The following CAT variants were observed in gnomAD, a reference collection of about 807,000 sequenced individuals.
CAT encodes the protein catalase.
In CAT, 43 loss-of-function variants were observed where a neutral mutation model predicts 59.0. That is an observed-to-expected ratio of 0.73 (90% CI 0.57 to 0.94). The LOEUF (loss-of-function observed/expected upper bound fraction) is 0.94, where lower values mean the gene tolerates loss of function less well. Among genes scored for constraint, CAT ranks in the 40% least tolerant of loss-of-function variants. The probability of loss-of-function intolerance (pLI) is 0.00; values close to 1 mark genes in which losing one functional copy is unlikely to be tolerated. For synonymous variants in CAT, 218 were observed against 230.9 expected, an observed-to-expected ratio of 0.94 and a Z score of 0.51; for missense variants, 664 against 682.9, an observed-to-expected ratio of 0.97 and a Z score of 0.31.
At chr11:34,450,620 A>G (rs1260821552) in intron 2 of CAT, among the ~76,000 whole-genome samples, 1 of 152,032 alleles carries the variant, frequency 6.6e-6, no homozygotes, top group Non-Finnish European at 1.5e-5. Flanking sequence ...TGTTGAAAAG[A>G]TTCTTTCTCT....
chr11:34,456,987 A>G (rs745387750), intron 8 of CAT, 170 bp downstream of exon 8: 4 of 695,536 alleles, frequency 5.8e-6, no homozygotes, highest in Non-Finnish European at 1.0e-5. Context: ...ACTATTCTTC[A>G]ATGAGCATTC....
chr11:34,470,526 A>G (rs990270889), intron 11 of CAT, among the ~76,000 whole-genome samples: 7 of 152,172 alleles, frequency 4.6e-5, no homozygotes, highest in Admixed American at 4.6e-4. Flanking sequence ...TAACCTTCTG[A>G]TCGCGTGCTT....
At chr11:34,446,115 C>G in intron 1 of CAT, among the ~76,000 whole-genome samples, 1 of 152,158 alleles carries the variant, frequency 6.6e-6, no homozygotes, top group East Asian at 1.9e-4. Flanking sequence ...CAGTTTAGAT[C>G]AGTTCCTCTT....
chr11:34,457,204 CTTTTTTTTTTT>C lies in CAT; in HGVS notation c.1056+403_1056+413del, dbSNP rs899442681. On this transcript the variant is annotated intron_variant, in intron 8 of 12. Transcript: ENST00000241052. The stretch of plus-strand genomic sequence containing the variant: ...GTAAGCCTAACTTTATTTTCTTGTT[CTTTTTTTTTTT>C]TTTTTTTTTTTTTTTGTGACAGAGT... Among the ~76,000 whole-genome samples the C allele has an allele frequency of 4.5e-4, 30 of 66,174 alleles. No homozygotes were observed. The East Asian group carries it at 0.012, about 26-fold the overall frequency. 43.4% of individuals were successfully genotyped at this position (66,174 alleles called of 152,430 possible).
chr11:34,461,379 G>A lies in CAT; in HGVS notation c.1185G>A (p.Gln395=), dbSNP rs924202598. ...AGCGTGACGGCCCGATGTGCATGCA[G>A]GACAATCAGGGTAGGCCTAAAGACG... The part of the protein sequence containing the change: ...NYQRDGPMCM[Q]DNQGGAPNYY... The change falls in exon 9 of 13, where the codon CAG becomes CAA. Residue 395 remains glutamine (Q), a synonymous_variant. Transcript: ENST00000241052. The A allele has an allele frequency of 6.2e-7, 1 of 1,614,212 alleles. No homozygotes were observed.
At position 34,450,972 on chromosome 11, in the gene CAT, G is replaced by A. The variant is rs1856517261; in HGVS notation, c.239-16G>A. On this transcript the variant is annotated splice_polypyrimidine_tract_variant and intron_variant, in intron 2 of 12. Transcript: ENST00000241052. ...TAATGGTCTCATGGTAAGGATTTCT[G>A]TGTCTTTCTCGTTAGGGGCCTTTGG... 2 of 1,530,790 alleles carry A rather than the reference G, an allele frequency of 1.3e-6. No homozygotes were observed. The highest frequency in any genetic ancestry group is 4.5e-5 in the East Asian group (2 of 44,476). 94.8% of individuals were successfully genotyped at this position (1,530,790 alleles called of 1,614,324 possible). A position where few individuals can be genotyped will look rare whatever the true frequency, so the allele number is the denominator to read the frequency against.
chr11:34,443,880 C>T (rs1003971756), intron 1 of CAT, among the ~76,000 whole-genome samples: 1 of 151,990 alleles, frequency 6.6e-6, no homozygotes, highest in Non-Finnish European at 1.5e-5. Flanking sequence ...GTGACTTAAC[C>T]CTTGGTCCAC....
chr11:34,468,657 C>T (rs1448926467), intron 11 of CAT: 1 of 541,658 alleles, frequency 1.8e-6, no homozygotes, highest in Non-Finnish European at 3.3e-6. Flanking sequence ...TTGTCCTATT[C>T]TGTTTAATTC....
At chr11:34,461,144 C>A in intron 8 of CAT, 107 bp from the exon 9 acceptor site, 1 of 1,222,944 alleles carries the variant, frequency 8.2e-7, no homozygotes, top group Non-Finnish European at 1.2e-6. Context: ...TTGTGGTAAC[C>A]ATGTACAGAG....
intron 5 of CAT, among the ~76,000 whole-genome samples, 198 bp from the exon 6 acceptor site, chr11:34,453,603 T>C (rs985352067): frequency 6.6e-6 from 1 of 152,210 alleles, no homozygotes; most frequent in Non-Finnish European, 1.5e-5. Context: ...ATTAGTGATT[T>C]GCATATCATT....
At chr11:34,464,788 G>A (rs1328978914) in intron 10 of CAT, among the ~76,000 whole-genome samples, 1 of 151,480 alleles carries the variant, frequency 6.6e-6, no homozygotes, top group Non-Finnish European at 1.5e-5. Context: ...TCATGGTTGT[G>A]GCTCTTCCAC....
chr11:34,454,027 C>T, intron 6 of CAT, 101 bp downstream of exon 6: 2 of 1,278,046 alleles, frequency 1.6e-6, no homozygotes, highest in Non-Finnish European at 1.1e-6. Flanking sequence ...CCCACTTTTC[C>T]CTCACCTCCA....
intron 1 of CAT, 32 bp downstream of exon 1, chr11:34,439,111 G>A (rs1856354014): frequency 2.6e-6 from 4 of 1,557,772 alleles, no homozygotes; most frequent in Admixed American, 3.8e-5. Context: ...CGGGCCCGAA[G>A]GTCCGTTTAG....
chr11:34,453,325 G>A (rs1856551600), intron 5 of CAT, 131 bp downstream of exon 5: 1 of 746,826 alleles, frequency 1.3e-6, no homozygotes, highest in Non-Finnish European at 2.4e-6. Context: ...TGATCGTGAA[G>A]AGTTTTGTAG....
rs17886248 is a variant in CAT, at chr11:34,453,692, T to C, written c.586-109T>C. On this transcript the variant is annotated intron_variant, in intron 5 of 12. Coordinates refer to ENST00000241052, the MANE Select transcript of CAT (RefSeq NM_001752.4). ...ACCCTTCCCATGGGAAATTGGCTAG[T>C]ATGTTTTATGTCATTAAGGGACTTT... 1,849 of 979,616 alleles carry C rather than the reference T, an allele frequency of 1.9e-3. 6 individuals are homozygous for C. The highest frequency in any genetic ancestry group is 2.6e-3 in the Non-Finnish European group (1,639 of 623,790). The allele number at this position is 979,616 out of a possible 1,614,324, so 60.7% of individuals were successfully genotyped here.
intron 5 of CAT, 100 bp from the exon 6 acceptor site, chr11:34,453,701 T>C: frequency 2.7e-6 from 3 of 1,107,856 alleles, no homozygotes; most frequent in East Asian, 2.4e-5. Flanking sequence ...GTATGTTTTA[T>C]GTCATTAAGG....
At chr11:34,468,930 A>G (rs758883987) in intron 11 of CAT, among the ~76,000 whole-genome samples, 28 of 152,172 alleles carry the variant, frequency 1.8e-4, no homozygotes, top group Non-Finnish European at 4.0e-4. Flanking sequence ...TTGCATTTTT[A>G]TGGTTTAAAA....
chr11:34,451,961 T>G, intron 3 of CAT, 116 bp from the exon 4 acceptor site: 5 of 1,084,758 alleles, frequency 4.6e-6, no homozygotes, highest in South Asian at 3.8e-5. Flanking sequence ...AAATACCTAA[T>G]TTAGTTCTTG....
chr11:34,446,576 C>T (rs11032702), intron 1 of CAT, among the ~76,000 whole-genome samples: 17,587 of 152,148 alleles, frequency 0.12, 2,036 homozygotes, highest in African/African-American at 0.3. Context: ...CACCCTGACC[C>T]GGTAACCAGA....
Sources: allele counts gnomAD v4.1 joint callset (sites outside exome capture counted in the v4.1 genomes callset), GRCh38; gene constraint gnomAD v4.1.1; transcripts MANE v1.5; gene names NCBI Gene and HGNC (gene_info 2026-07-23, HGNC 2026-07-21).